The following MAP2 variants were observed in gnomAD, a reference collection of about 807,000 sequenced individuals.
MAP2 encodes the protein microtubule associated protein 2, also known as microtubule-associated protein 2.
A neutral mutation model predicts 137.6 loss-of-function variants in MAP2; 14 were observed. The observed-to-expected ratio is 0.10, with a 90% confidence interval of 0.07 to 0.16. The LOEUF is 0.16. MAP2 is among the 10% of genes least tolerant of loss of function. MAP2 has a pLI of 1.00. For missense variants in MAP2, 2,088 were observed against 2,191.5 expected (o/e 0.95, Z 0.94); for synonymous variants, 786 against 782.3 (o/e 1.00, Z -0.08).
chr2:209,495,249 T>A (rs2219084), intron 1 of MAP2, among the ~76,000 whole-genome samples: 28,623 of 152,132 alleles, frequency 0.19, 3,261 homozygotes, highest in Non-Finnish European at 0.26. Flanking sequence ...GAGGGGGATG[T>A]GGGTACAGCT....
intron 1 of MAP2, among the ~76,000 whole-genome samples, chr2:209,466,335 T>A (rs573773447): frequency 2.0e-4 from 31 of 152,306 alleles, no homozygotes; most frequent in African/African-American, 7.0e-4. Context: ...TACTGAATAC[T>A]TTTTCTAGAC....
chr2:209,631,283 A>G (rs2093018928), intron 4 of MAP2, among the ~76,000 whole-genome samples: 1 of 152,130 alleles, frequency 6.6e-6, no homozygotes, highest in Non-Finnish European at 1.5e-5. Flanking sequence ...CTGTGTGTTT[A>G]CATGCACAAC....
chr2:209,632,840 T>A (rs1324377366), intron 4 of MAP2, among the ~76,000 whole-genome samples: 2 of 152,144 alleles, frequency 1.3e-5, no homozygotes, highest in East Asian at 1.9e-4. Flanking sequence ...TCTTACTCTC[T>A]CAGCCCAGGG....
intron 3 of MAP2, among the ~76,000 whole-genome samples, chr2:209,593,481 T>A (rs1253824449): frequency 6.7e-6 from 1 of 148,452 alleles, no homozygotes. Flanking sequence ...GAGGGCAGAA[T>A]CTGTCAAGAT....
intron 2 of MAP2, among the ~76,000 whole-genome samples, chr2:209,575,387 G>A (rs1185235715): frequency 1.3e-5 from 2 of 151,656 alleles, no homozygotes; most frequent in African/African-American, 4.8e-5. Flanking sequence ...CGGGCGTGAT[G>A]GCGGGTGCCT....
At chr2:209,502,459 GT>G (rs775579810) in intron 1 of MAP2, among the ~76,000 whole-genome samples, 1 of 152,228 alleles carries the variant, frequency 6.6e-6, no homozygotes, top group South Asian at 2.1e-4. Flanking sequence ...ATTGTGTATA[GT>G]AACTCACAAT....
chr2:209,425,297 G>C (rs186420950), intron 1 of MAP2, among the ~76,000 whole-genome samples: 38 of 152,310 alleles, frequency 2.5e-4, no homozygotes, highest in East Asian at 1.9e-3. Flanking sequence ...CCAGGACATA[G>C]ACGCTTTAAA....
intron 3 of MAP2, among the ~76,000 whole-genome samples, chr2:209,593,493 C>A (rs979591149): frequency 6.8e-6 from 1 of 146,130 alleles, no homozygotes; most frequent in African/African-American, 2.5e-5. Flanking sequence ...TGTCAAGATG[C>A]AGGTATCAGC....
intron 2 of MAP2, among the ~76,000 whole-genome samples, chr2:209,549,915 C>G (rs2068830412): frequency 6.6e-6 from 1 of 152,166 alleles, no homozygotes; most frequent in South Asian, 2.1e-4. Context: ...TATAAGTTTA[C>G]TCGTCTTTAC....
At chr2:209,526,099 T>C (rs1404252542) in intron 2 of MAP2, among the ~76,000 whole-genome samples, 2 of 152,148 alleles carry the variant, frequency 1.3e-5, no homozygotes, top group East Asian at 1.9e-4. Flanking sequence ...AGGAGGTTTG[T>C]TTACATAATG....
Position 209,733,994 on chromosome 2 carries a change from A to G in MAP2, c.*3597A>G, listed in dbSNP as rs1460996760. 6.6e-6 allele frequency: 1 copy of G among 152,612 alleles called. No homozygotes were observed. Among genetic ancestry groups the G allele is most frequent in the African/African-American group, 2.4e-5 (1 of 41,432 alleles). 9.5% of individuals were successfully genotyped at this position (152,612 alleles called of 1,614,324 possible). ...TCTGATAATTCTAGAGCCTGTTACC[A>G]TAGAAAGGCATTTCTTCAATGGCTG... On this transcript the variant is annotated 3_prime_UTR_variant, in exon 16 of 16. Transcript: ENST00000682079.
At chr2:209,543,232 T>C (rs6722585) in intron 2 of MAP2, among the ~76,000 whole-genome samples, 28,550 of 152,184 alleles carry the variant, frequency 0.19, 4,297 homozygotes, top group African/African-American at 0.42. Context: ...AGTCAGAACA[T>C]GCGACATTTA....
At chr2:209,472,029 G>A (rs35520781) in intron 1 of MAP2, among the ~76,000 whole-genome samples, 4,570 of 152,158 alleles carry the variant, frequency 0.03, 89 homozygotes, top group South Asian at 0.069. Context: ...GGGTTAATAT[G>A]CTAGATATGT....
chr2:209,564,918 A>G (rs1170135640), intron 2 of MAP2, among the ~76,000 whole-genome samples: 2 of 152,042 alleles, frequency 1.3e-5, no homozygotes, highest in African/African-American at 4.8e-5. Context: ...TTCACTCAAC[A>G]GTTTAGAGTT....
chr2:209,591,607 G>A (rs2079268086), intron 3 of MAP2, among the ~76,000 whole-genome samples: 1 of 152,140 alleles, frequency 6.6e-6, no homozygotes, highest in African/African-American at 2.4e-5. Flanking sequence ...TTAAAAACAA[G>A]CCAAACAAGA....
intron 13 of MAP2, among the ~76,000 whole-genome samples, chr2:209,715,427 G>C (rs1027777486): frequency 1.3e-5 from 2 of 151,680 alleles, no homozygotes; most frequent in African/African-American, 4.8e-5. Flanking sequence ...TCTACATACT[G>C]AAATATAACA....
intron 10 of MAP2, among the ~76,000 whole-genome samples, chr2:209,698,466 C>G (rs79726905): frequency 0.045 from 6,811 of 152,154 alleles, 203 homozygotes; most frequent in African/African-American, 0.085. Context: ...TATAAATCTT[C>G]GGATGGTTTT....
At chr2:209,483,092 A>G (rs1249114896) in intron 1 of MAP2, among the ~76,000 whole-genome samples, 1 of 152,214 alleles carries the variant, frequency 6.6e-6, no homozygotes, top group Non-Finnish European at 1.5e-5. Context: ...GATTATTCAT[A>G]CAACACTAAT....
chr2:209,725,457 T>C (rs1202694439), intron 13 of MAP2, among the ~76,000 whole-genome samples: 1 of 152,222 alleles, frequency 6.6e-6, no homozygotes, highest in African/African-American at 2.4e-5. Context: ...TCCTGTGTCA[T>C]AATCTGCTTT....
Sources: gnomAD v4.1 joint callset for allele counts (sites outside exome capture counted in the v4.1 genomes callset) on GRCh38, gnomAD v4.1.1 for gene constraint, MANE v1.5 for transcripts, NCBI Gene and HGNC (gene_info 2026-07-23, HGNC 2026-07-21) for gene names.